Variants in TBCK observed in about 807,000 individuals in gnomAD.
TBCK encodes TBC1 domain containing kinase.
A neutral mutation model predicts 113.4 loss-of-function variants in TBCK; 99 were observed. That is an observed-to-expected ratio of 0.87 (90% CI 0.74 to 1.03). TBCK has a LOEUF of 1.03. Ranked by LOEUF, TBCK falls within the 50% of genes least tolerant of loss-of-function variation. TBCK has a pLI of 0.00. For missense variants in TBCK, 1,045 were observed against 1,061.3 expected (o/e 0.98, Z 0.21); for synonymous variants, 369 against 370.8 (o/e 1.00, Z 0.05).
At chr4:106,128,616 T>G (rs562970251) in intron 23 of TBCK, among the ~76,000 whole-genome samples, 1 of 152,026 alleles carries the variant, frequency 6.6e-6, no homozygotes, top group Non-Finnish European at 1.5e-5. Context: ...GAAAATGAAA[T>G]AGTTTCAGGC....
rs567332654 is a variant in TBCK at position 106,186,099 on chromosome 4, T to C, written c.2059+7510A>G. ...TGACTGTGTAGTATTCCATGGTGTATATGTATCACAATTTTCTTTATGCAG... is the reference window on the plus strand; with the variant it reads ...TGACTGTGTAGTATTCCATGGTGTACATGTATCACAATTTTCTTTATGCAG... On this transcript the variant is annotated intron_variant, in intron 22 of 25. Transcript: ENST00000394708. Among the ~76,000 whole-genome samples the C allele has an allele frequency of 1.1e-4, 17 of 152,328 alleles. No homozygotes were observed. In the South Asian group the frequency reaches 3.3e-3, roughly 30 times the overall value.
chr4:106,188,824 A>C (rs1455884419), intron 22 of TBCK, among the ~76,000 whole-genome samples: 4 of 152,230 alleles, frequency 2.6e-5, no homozygotes, highest in African/African-American at 9.6e-5. Flanking sequence ...AGCAACAATT[A>C]GGTTAGTGTT....
upstream of TBCK, chr4:106,316,504 T>C (rs777040217): frequency 6.5e-7 from 1 of 1,541,292 alleles, no homozygotes; most frequent in South Asian, 1.2e-5. Context: ...GACACCTCAT[T>C]GGGTCCTTTC....
chr4:106,280,118 A>C (rs1764438922), intron 3 of TBCK, among the ~76,000 whole-genome samples: 1 of 152,048 alleles, frequency 6.6e-6, no homozygotes, highest in South Asian at 2.1e-4. Flanking sequence ...TTTTGGATTA[A>C]AGCCATTTTA....
chr4:106,054,186 A>G (rs188959179), intron 25 of TBCK, among the ~76,000 whole-genome samples: 144 of 151,708 alleles, frequency 9.5e-4, no homozygotes, highest in Middle Eastern at 3.4e-3. Context: ...CATGATCTGC[A>G]AATCTGCAAA....
At chr4:106,281,106 A>G (rs1988695) in intron 3 of TBCK, among the ~76,000 whole-genome samples, 20,727 of 152,068 alleles carry the variant, frequency 0.14, 1,678 homozygotes, top group South Asian at 0.25. Context: ...TCAGTGTTTT[A>G]TAGTTTTCAT....
At chr4:106,301,421 G>C (rs1262576726) in intron 2 of TBCK, among the ~76,000 whole-genome samples, 1 of 152,054 alleles carries the variant, frequency 6.6e-6, no homozygotes, top group African/African-American at 2.4e-5. Flanking sequence ...ACACAGCTGA[G>C]ATTTCAAGCT....
chr4:106,306,756 T>G (rs1366708417), intron 2 of TBCK, among the ~76,000 whole-genome samples: 1 of 152,154 alleles, frequency 6.6e-6, no homozygotes, highest in Non-Finnish European at 1.5e-5. Flanking sequence ...ACTTCCCAAT[T>G]TGTTCCCTAC....
At chr4:106,125,635 G>A (rs888019786) in intron 23 of TBCK, among the ~76,000 whole-genome samples, 1 of 152,152 alleles carries the variant, frequency 6.6e-6, no homozygotes, top group Admixed American at 6.5e-5. Flanking sequence ...GTTCTGACTC[G>A]TATGTGGAAA....
intron 3 of TBCK, among the ~76,000 whole-genome samples, chr4:106,290,469 C>T (rs1765587633): frequency 6.6e-6 from 1 of 152,200 alleles, no homozygotes; most frequent in Admixed American, 6.5e-5. Context: ...AGCCACCACA[C>T]CCGGCCGGAA....
chr4:106,174,608 C>G (rs190396343), intron 22 of TBCK, among the ~76,000 whole-genome samples: 1 of 151,992 alleles, frequency 6.6e-6, no homozygotes, highest in Admixed American at 6.6e-5. Context: ...CCTGAGTAGT[C>G]CTTCAGTTAC....
Position 106,231,716 on chromosome 4 carries a change from T to G in TBCK, c.1690+13A>C, listed in dbSNP as rs779766951. Reference sequence around the variant, plus strand: ...TTATGCGCAATGATTATTTAAATGTTAAAGAGGCTTACCTTCATTATTGAA... The same window carrying G: ...TTATGCGCAATGATTATTTAAATGTGAAAGAGGCTTACCTTCATTATTGAA... On this transcript the variant is annotated intron_variant, in intron 18 of 25. Transcript: ENST00000394708. 1.2e-6 allele frequency: 2 copies of G among 1,601,508 alleles called. No homozygotes were observed. Among genetic ancestry groups the G allele is most frequent in the Non-Finnish European group, 1.7e-6 (2 of 1,173,280 alleles).
At chr4:106,072,474 T>C (rs1386154349) in intron 25 of TBCK, among the ~76,000 whole-genome samples, 3 of 152,220 alleles carry the variant, frequency 2.0e-5, no homozygotes, top group African/African-American at 4.8e-5. Context: ...TGCTGTTAGT[T>C]TGATGGGCTT....
chr4:106,309,893 T>C lies in TBCK; in HGVS notation c.-29-904A>G, dbSNP rs1768004343. On this transcript the variant is annotated intron_variant, in intron 1 of 25. Transcript: ENST00000394708. ...CTCCAGTTTAGAGATAGTTGTTCCATGTGTATAGCATGAGGCGTCCTATTT... is the reference window on the plus strand; with the variant it reads ...CTCCAGTTTAGAGATAGTTGTTCCACGTGTATAGCATGAGGCGTCCTATTT... The C allele has an allele frequency of 2.0e-5, 3 of 152,202 alleles. No individual in the cohort carries two copies. In the South Asian group the frequency reaches 6.2e-4, roughly 32 times the overall value. The allele number at this position is 152,202 out of a possible 1,614,324, so 9.4% of individuals were successfully genotyped here.
chr4:106,296,296 T>C lies in TBCK; in HGVS notation c.194-1130A>G, dbSNP rs144121156. On this transcript the variant is annotated intron_variant, in intron 2 of 25. Coordinates refer to ENST00000394708, the MANE Select transcript of TBCK (RefSeq NM_001163435.3). ...GAAGTTGGAGTGTTGTCAGTATCTA[T>C]GCAAAACAGATTCTAAGTAAAATAA... is the stretch of plus-strand genomic sequence containing the variant. Among the ~76,000 whole-genome samples, 600 of 152,252 alleles carry C rather than the reference T, an allele frequency of 3.9e-3. 2 individuals carry two copies. Among genetic ancestry groups the C allele is most frequent in the African/African-American group, 0.014 (573 of 41,546 alleles).
intron 3 of TBCK, among the ~76,000 whole-genome samples, chr4:106,272,326 T>C (rs990768270): frequency 2.6e-5 from 4 of 152,108 alleles, no homozygotes; most frequent in African/African-American, 9.7e-5. Context: ...CCGTGCTACA[T>C]ACGTTTCTTA....
At chr4:106,233,985 T>A (rs1759167284) in intron 15 of TBCK, among the ~76,000 whole-genome samples, 1 of 152,124 alleles carries the variant, frequency 6.6e-6, no homozygotes, top group Admixed American at 6.6e-5. Context: ...CCTTGTTATG[T>A]TATATCTATA....
chr4:106,044,986 A>C lies in TBCK; in HGVS notation c.*1584T>G, dbSNP rs2149436779. ...AGTTAAAACAAAATTGAAGATAATT[A>C]AAGGATATGCTATATTTCATATATA... On this transcript the variant is annotated 3_prime_UTR_variant, in exon 26 of 26. Transcript: ENST00000394708. 1 of 152,234 alleles carries C rather than the reference A, an allele frequency of 6.6e-6. No individual in the cohort carries two copies. The highest frequency in any genetic ancestry group is 3.4e-3 in the Middle Eastern group (1 of 294). The allele number at this position is 152,234 out of a possible 1,614,324, so 9.4% of individuals were successfully genotyped here.
chr4:106,247,049 T>C (rs2150049473), intron 10 of TBCK, 90 bp downstream of exon 10: 3 of 1,268,356 alleles, frequency 2.4e-6, no homozygotes, highest in Non-Finnish European at 3.3e-6. Flanking sequence ...CCAATATATA[T>C]TGTTGATAAG....
Sources: gnomAD v4.1 joint callset for allele counts (sites outside exome capture counted in the v4.1 genomes callset) on GRCh38, gnomAD v4.1.1 for gene constraint, MANE v1.5 for transcripts, NCBI Gene and HGNC (gene_info 2026-07-23, HGNC 2026-07-21) for gene names.